Variants in RELN observed in about 807,000 individuals in gnomAD.
The protein encoded by RELN is reelin.
A neutral mutation model predicts 427.6 loss-of-function variants in RELN; 108 were observed. That is an observed-to-expected ratio of 0.25 (90% CI 0.22 to 0.30). The LOEUF is 0.30. Among genes scored for constraint, RELN ranks in the 10% least tolerant of loss-of-function variants. The probability of loss-of-function intolerance (pLI) is 1.00; values close to 1 mark genes in which losing one functional copy is unlikely to be tolerated. For missense variants in RELN, 3,715 were observed against 4,302.8 expected, an observed-to-expected ratio of 0.86 and a Z score of 3.82; for synonymous variants, 1,524 against 1,513.4, an observed-to-expected ratio of 1.01 and a Z score of -0.16.
rs577370833 is a variant in RELN, at chr7:103,630,781, C to A, written c.2466-605G>T. The stretch of plus-strand genomic sequence containing the variant: ...TGGCAAATGGAACATTTGTCACCGT[C>A]AAAGTACAATTAAACACCAGGAAAG... On this transcript the variant is annotated intron_variant, in intron 19 of 64. Transcript: ENST00000428762. Among the ~76,000 whole-genome samples the A allele has an allele frequency of 1.9e-3, 287 of 149,778 alleles. 1 individual carries two copies. The highest frequency in any genetic ancestry group is 6.9e-3 in the African/African-American group (280 of 40,752).
intron 4 of RELN, among the ~76,000 whole-genome samples, chr7:103,759,990 CTTTTTTTTTTTTT>C (rs57019839): frequency 3.9e-4 from 25 of 64,934 alleles, no homozygotes; most frequent in Middle Eastern, 8.9e-3. Context: ...CACAGTCATA[CTTTTTTTTTTTTT>C]TTTTTTTTTT....
intron 31 of RELN, among the ~76,000 whole-genome samples, chr7:103,567,911 C>T (rs770115413): frequency 6.6e-6 from 1 of 151,962 alleles, no homozygotes; most frequent in Non-Finnish European, 1.5e-5. Flanking sequence ...ATCCTCCAAC[C>T]TCTGCCCTCC....
chr7:103,536,357 C>T (rs1371054122), intron 45 of RELN, among the ~76,000 whole-genome samples: 2 of 152,186 alleles, frequency 1.3e-5, no homozygotes, highest in Non-Finnish European at 2.9e-5. Context: ...CTGCCTACGT[C>T]CCTACCTCCC....
intron 11 of RELN, among the ~76,000 whole-genome samples, chr7:103,678,226 A>G: frequency 6.6e-6 from 1 of 152,204 alleles, no homozygotes. Context: ...AGGCAAATAC[A>G]CAAATTCCAT....
chr7:103,717,764 C>G (rs1789975325), intron 8 of RELN, among the ~76,000 whole-genome samples: 1 of 151,866 alleles, frequency 6.6e-6, no homozygotes, highest in African/African-American at 2.4e-5. Flanking sequence ...GTCTTACTCA[C>G]CAGGGAGAGT....
chr7:103,663,827 C>G (rs80179097), intron 11 of RELN, among the ~76,000 whole-genome samples: 101 of 152,286 alleles, frequency 6.6e-4, no homozygotes, highest in Non-Finnish European at 1.2e-3. Context: ...CTTTAAATGC[C>G]CAAAATATTC....
rs765628000 is a variant in RELN, at chr7:103,521,984, G to A, written c.7668+38C>T. The A allele has an allele frequency of 2.5e-6, 4 of 1,606,516 alleles. No individual in the cohort carries two copies. In the South Asian group the frequency reaches 3.3e-5, roughly 13 times the overall value. On this transcript the variant is annotated intron_variant, in intron 48 of 64. Coordinates refer to ENST00000428762, the MANE Select transcript of RELN (RefSeq NM_005045.4). Reference sequence around the variant, plus strand: ...AGTCAACTATTTGGAAGGAACTTAAGAAGAGCAGAAATGAGTAACCAGCAG... The same window carrying A: ...AGTCAACTATTTGGAAGGAACTTAAAAAGAGCAGAAATGAGTAACCAGCAG...
chr7:103,827,718 T>G (rs1793177481), intron 3 of RELN, among the ~76,000 whole-genome samples: 1 of 152,002 alleles, frequency 6.6e-6, no homozygotes, highest in Non-Finnish European at 1.5e-5. Context: ...CAATATTTCT[T>G]TTATCTTGTC....
rs113990652 is a variant in RELN at position 103,573,066 on chromosome 7, G to C, written c.4512-806C>G. 0.031 allele frequency among the ~76,000 whole-genome samples: 4,716 copies of C among 152,196 alleles called. 247 individuals are homozygous for C. Among genetic ancestry groups the C allele is most frequent in the African/African-American group, 0.11 (4,486 of 41,502 alleles). On this transcript the variant is annotated intron_variant, in intron 30 of 64. Coordinates refer to ENST00000428762, the MANE Select transcript of RELN (RefSeq NM_005045.4). The surrounding 1 kb of genome is among the most constrained non-coding windows in gnomAD (Gnocchi z 4.4). ...CGATCCTCCTGCCTCAGCCTCCTGAGTAGCTGGAACTACAGGCATGCGCCA... is the reference window on the plus strand; with the variant it reads ...CGATCCTCCTGCCTCAGCCTCCTGACTAGCTGGAACTACAGGCATGCGCCA...
chr7:103,745,087 C>T (rs1194601086), intron 6 of RELN, among the ~76,000 whole-genome samples: 1 of 152,120 alleles, frequency 6.6e-6, no homozygotes, highest in Non-Finnish European at 1.5e-5. Context: ...GGGCTTCATC[C>T]CTGGGATGCA....
At chr7:103,930,590 G>A (rs1795840071) in intron 1 of RELN, among the ~76,000 whole-genome samples, 1 of 151,968 alleles carries the variant, frequency 6.6e-6, no homozygotes, top group South Asian at 2.1e-4. Flanking sequence ...TCAGCCTCCT[G>A]AGTCACTGGG....
At chr7:103,794,168 A>C (rs2116283121) in intron 3 of RELN, among the ~76,000 whole-genome samples, 1 of 152,302 alleles carries the variant, frequency 6.6e-6, no homozygotes, top group Middle Eastern at 3.4e-3. Context: ...GATTCTAGAA[A>C]TGGGCAACTT....
rs2299396 is a variant in RELN, at chr7:103,888,777, A to G, written c.337+28298T>C. 7.4e-4 allele frequency among the ~76,000 whole-genome samples: 112 copies of G among 152,266 alleles called. No homozygotes were observed. In the East Asian group the frequency reaches 0.019, roughly 26 times the overall value. On this transcript the variant is annotated intron_variant, in intron 2 of 64. Transcript: ENST00000428762. Reference sequence around the variant, plus strand: ...AAGCAGAAGACTTGGCAAGCACAACATGAGCCAGATTTCAGCCCCACTTGT... The same window carrying G: ...AAGCAGAAGACTTGGCAAGCACAACGTGAGCCAGATTTCAGCCCCACTTGT...
intron 11 of RELN, among the ~76,000 whole-genome samples, chr7:103,673,507 A>G (rs973235141): frequency 1.3e-5 from 2 of 152,136 alleles, no homozygotes; most frequent in Non-Finnish European, 2.9e-5. Flanking sequence ...ATCCATACTT[A>G]TTTAGACTGA....
intron 2 of RELN, among the ~76,000 whole-genome samples, chr7:103,845,169 A>G (rs1793644675): frequency 6.6e-6 from 1 of 151,642 alleles, no homozygotes; most frequent in African/African-American, 2.4e-5. Flanking sequence ...TGCTAAAATT[A>G]ATGTTCCCAT....
At chr7:103,815,249 G>T (rs1023955999) in intron 3 of RELN, among the ~76,000 whole-genome samples, 2 of 152,092 alleles carry the variant, frequency 1.3e-5, no homozygotes, top group African/African-American at 4.8e-5. Context: ...TCAGCTATCA[G>T]CCATATAATC....
At position 103,503,727 on chromosome 7, in the gene RELN, C is replaced by T. The variant is rs997432610; in HGVS notation, c.8275-497G>A. ...AGCACCCTTCGTTGATGGTGATAGC[C>T]ATGATGTGACACTGCTGTTAATACA... On this transcript the variant is annotated intron_variant, in intron 51 of 64. Transcript: ENST00000428762. Among the ~76,000 whole-genome samples, 8 of 152,162 alleles carry T rather than the reference C, an allele frequency of 5.3e-5. No homozygotes were observed. The South Asian group carries it at 8.3e-4, about 16-fold the overall frequency.
chr7:103,604,204 A>C lies in RELN; in HGVS notation c.3146+142T>G, dbSNP rs977069404. 6.4e-6 allele frequency: 6 copies of C among 933,544 alleles called. No homozygotes were observed. The African/African-American group carries it at 9.7e-5, about 15-fold the overall frequency. The allele number at this position is 933,544 out of a possible 1,614,324, so 57.8% of individuals were successfully genotyped here. On this transcript the variant is annotated intron_variant, in intron 23 of 64. Transcript: ENST00000428762. ...ACAATAGCTTTTACATCTAAAATAC[A>C]AACAGAAAGGAGGACTTGTTTCTTT...
At chr7:103,649,601 C>A (rs529814423) in intron 16 of RELN, among the ~76,000 whole-genome samples, 1 of 151,830 alleles carries the variant, frequency 6.6e-6, no homozygotes, top group Admixed American at 6.6e-5. Flanking sequence ...AGACAAAAAC[C>A]AAAGAGTTGG....
Sources: allele counts gnomAD v4.1 joint callset (sites outside exome capture counted in the v4.1 genomes callset), GRCh38; gene constraint gnomAD v4.1.1; non-coding constraint Gnocchi (gnomAD v3.1); transcripts MANE v1.5; gene names NCBI Gene and HGNC (gene_info 2026-07-23, HGNC 2026-07-21).